The following SMAD9 variants were observed in gnomAD, a reference collection of about 807,000 sequenced individuals.
SMAD9 encodes MAD homolog 9.
A neutral mutation model predicts 46.1 loss-of-function variants in SMAD9; 36 were observed. That is an observed-to-expected ratio of 0.78 (90% CI 0.60 to 1.03). SMAD9 has a LOEUF of 1.03. Ranked by LOEUF, SMAD9 falls within the 50% of genes least tolerant of loss-of-function variation. The pLI, the probability that SMAD9 is intolerant of heterozygous loss-of-function variation, is 0.00. For missense variants in SMAD9, 572 were observed against 599.8 expected (o/e 0.95, Z 0.48); for synonymous variants, 245 against 237.1 (o/e 1.03, Z -0.31).
At chr13:36,851,413 G>C (rs1252059459) in intron 6 of SMAD9, among the ~76,000 whole-genome samples, 1 of 152,118 alleles carries the variant, frequency 6.6e-6, no homozygotes, top group African/African-American at 2.4e-5. Flanking sequence ...CCACCCTCAT[G>C]TGCAGATGAC....
intron 1 of SMAD9, among the ~76,000 whole-genome samples, chr13:36,895,326 G>A (rs780495157): frequency 6.6e-6 from 1 of 152,016 alleles, no homozygotes; most frequent in Non-Finnish European, 1.5e-5. Context: ...TCTCTGTATC[G>A]ATCTAAAGAT....
chr13:36,872,969 C>CA (rs2058310738), intron 2 of SMAD9, 54 bp from the exon 3 acceptor site: 17 of 1,590,984 alleles, frequency 1.1e-5, no homozygotes, highest in South Asian at 8.8e-5. Flanking sequence ...CATCAGTACA[C>CA]AACAGAGTGG....
intron 1 of SMAD9, among the ~76,000 whole-genome samples, chr13:36,905,815 A>AAC (rs1566040009): frequency 9.7e-6 from 1 of 102,776 alleles, no homozygotes; most frequent in Non-Finnish European, 2.0e-5. Context: ...AAAAAAAAAA[A>AAC]CTTATATCCT....
chr13:36,856,864 G>A (rs374923466), intron 5 of SMAD9, among the ~76,000 whole-genome samples: 6 of 149,688 alleles, frequency 4.0e-5, no homozygotes, highest in South Asian at 2.1e-4. Flanking sequence ...ATGGGGTGGC[G>A]CGATCTCGGC....
intron 1 of SMAD9, among the ~76,000 whole-genome samples, chr13:36,915,811 T>C (rs1229106207): frequency 6.6e-6 from 1 of 152,246 alleles, no homozygotes; most frequent in Non-Finnish European, 1.5e-5. Flanking sequence ...TTTTAAATTC[T>C]GAATTTAAAT....
At chr13:36,859,793 T>A (rs190954123) in intron 5 of SMAD9, among the ~76,000 whole-genome samples, 232 of 152,022 alleles carry the variant, frequency 1.5e-3, no homozygotes, top group Non-Finnish European at 2.0e-3. Context: ...AAACCCCATC[T>A]CTACTAAAAA....
intron 1 of SMAD9, among the ~76,000 whole-genome samples, chr13:36,911,107 T>C (rs541728844): frequency 1.1e-4 from 16 of 152,082 alleles, no homozygotes; most frequent in Non-Finnish European, 2.2e-4. Context: ...CCAGGCTCAA[T>C]AGATCCTCCC....
rs1248232301 is a variant in SMAD9 at position 36,845,053 on chromosome 13, C to CA, written c.*3622dup. 6.6e-6 allele frequency: 1 copy of CA among 151,754 alleles called. No homozygotes were observed. Among genetic ancestry groups the CA allele is most frequent in the African/African-American group, 2.4e-5 (1 of 41,270 alleles). 9.4% of individuals were successfully genotyped at this position (151,754 alleles called of 1,614,324 possible). A position where few individuals can be genotyped will look rare whatever the true frequency, so the allele number is the denominator to read the frequency against. On this transcript the variant is annotated 3_prime_UTR_variant, in exon 7 of 7. Coordinates refer to ENST00000379826, the MANE Select transcript of SMAD9 (RefSeq NM_001127217.3). ...CTATTAAAATCGTAACAGGGAAAGA[C>CA]AAAATGTGAAATGCATGTTATATTT...
intron 1 of SMAD9, among the ~76,000 whole-genome samples, chr13:36,882,300 A>G (rs113365882): frequency 6.6e-6 from 1 of 151,232 alleles, no homozygotes; most frequent in African/African-American, 2.4e-5. Context: ...ACAATGGAAA[A>G]TTTACTTGTT....
chr13:36,863,191 G>A (rs1237467860), intron 5 of SMAD9, among the ~76,000 whole-genome samples: 3 of 152,188 alleles, frequency 2.0e-5, no homozygotes, highest in African/African-American at 7.2e-5. Context: ...ATCTGAGAGA[G>A]AATCCTGTGA....
chr13:36,912,696 G>GT (rs1053300658), intron 1 of SMAD9, among the ~76,000 whole-genome samples: 4 of 152,146 alleles, frequency 2.6e-5, no homozygotes, highest in African/African-American at 9.7e-5. Context: ...ATGGCCTAGG[G>GT]ATGTTCTCAG....
chr13:36,881,975 A>G (rs1458938913), intron 1 of SMAD9, among the ~76,000 whole-genome samples: 2 of 152,244 alleles, frequency 1.3e-5, no homozygotes, highest in African/African-American at 4.8e-5. Flanking sequence ...AAAAACACTC[A>G]GCGAGTTAAA....
chr13:36,889,013 CA>C (rs1363611158), intron 1 of SMAD9, among the ~76,000 whole-genome samples: 1 of 152,078 alleles, frequency 6.6e-6, no homozygotes, highest in East Asian at 1.9e-4. Context: ...CCTCCCAAGT[CA>C]GAAAAATCAC....
intron 1 of SMAD9, among the ~76,000 whole-genome samples, chr13:36,886,350 G>A (rs1263880327): frequency 6.6e-6 from 1 of 152,250 alleles, no homozygotes. Context: ...GGCTGGGCCT[G>A]AGCTGTACTG....
At chr13:36,908,669 T>A (rs908277619) in intron 1 of SMAD9, among the ~76,000 whole-genome samples, 1 of 152,148 alleles carries the variant, frequency 6.6e-6, no homozygotes, top group Non-Finnish European at 1.5e-5. Flanking sequence ...GGGTATACTG[T>A]GGCCCAGAGG....
At chr13:36,853,284 CA>C in intron 6 of SMAD9, 134 bp downstream of exon 6, 2 of 864,594 alleles carry the variant, frequency 2.3e-6, no homozygotes, top group African/African-American at 1.7e-5. Flanking sequence ...AACTCCGTCT[CA>C]AAAAATAATA....
At chr13:36,892,764 G>A (rs1382106738) in intron 1 of SMAD9, among the ~76,000 whole-genome samples, 1 of 152,162 alleles carries the variant, frequency 6.6e-6, no homozygotes, top group Admixed American at 6.6e-5. Flanking sequence ...CTGTAATCTT[G>A]AGCAGCAAAG....
intron 5 of SMAD9, among the ~76,000 whole-genome samples, chr13:36,859,608 AC>A: frequency 6.6e-6 from 1 of 152,304 alleles, no homozygotes; most frequent in East Asian, 1.9e-4. Context: ...TCAGGAAGTT[AC>A]CCTATATGGT....
At chr13:36,888,353 T>G (rs1053622016) in intron 1 of SMAD9, among the ~76,000 whole-genome samples, 4 of 152,200 alleles carry the variant, frequency 2.6e-5, no homozygotes, top group Non-Finnish European at 5.9e-5. Context: ...CCATGTAACA[T>G]GTGCCTTGCT....
Sources: allele counts gnomAD v4.1 joint callset (sites outside exome capture counted in the v4.1 genomes callset), GRCh38; gene constraint gnomAD v4.1.1; transcripts MANE v1.5; gene names NCBI Gene and HGNC (gene_info 2026-07-23, HGNC 2026-07-21).